COL24A1: variants seen among roughly 807,000 people sequenced by gnomAD.
COL24A1 encodes the protein collagen type XXIV alpha 1 chain.
Under a neutral mutation model 253.9 loss-of-function variants are expected in COL24A1, and 224 were observed. The ratio of observed to expected loss-of-function variants is 0.88; its 90% CI spans 0.79 to 0.99. COL24A1 has a LOEUF of 0.99. Among genes scored for constraint, COL24A1 ranks in the 50% least tolerant of loss-of-function variants. COL24A1 has a pLI of 0.00. For missense variants in COL24A1, 2,131 were observed against 2,068.5 expected (o/e 1.03, Z -0.59); for synonymous variants, 685 against 673.7 (o/e 1.02, Z -0.26).
intron 32 of COL24A1, among the ~76,000 whole-genome samples, chr1:85,878,372 C>A (rs1320704583): frequency 6.6e-6 from 1 of 152,142 alleles, no homozygotes; most frequent in Non-Finnish European, 1.5e-5. Flanking sequence ...ACACTACTCC[C>A]AATCATGAGG....
chr1:85,908,548 A>G, intron 27 of COL24A1, 50 bp downstream of exon 27: 1 of 1,052,156 alleles, frequency 9.5e-7, no homozygotes, highest in Non-Finnish European at 1.4e-6. Context: ...TATGAGTTTA[A>G]ATTAAAGTAA....
At chr1:85,933,546 T>G (rs192337461) in intron 24 of COL24A1, among the ~76,000 whole-genome samples, 1 of 152,320 alleles carries the variant, frequency 6.6e-6, no homozygotes, top group East Asian at 1.9e-4. Context: ...AAGGCATGTA[T>G]TGTGCAAAGG....
chr1:86,057,099 G>A (rs182652899), intron 10 of COL24A1, among the ~76,000 whole-genome samples: 1 of 152,086 alleles, frequency 6.6e-6, no homozygotes, highest in Non-Finnish European at 1.5e-5. Context: ...GACTGGATTG[G>A]GGGGCGGATC....
chr1:86,138,848 C>CTTTT (rs140109854), intron 2 of COL24A1, among the ~76,000 whole-genome samples: 10,118 of 148,664 alleles, frequency 0.068, 423 homozygotes, highest in East Asian at 0.14. Flanking sequence ...AGCTTATCTG[C>CTTTT]TTTTTTTTTT....
intron 47 of COL24A1, among the ~76,000 whole-genome samples, chr1:85,795,332 A>G (rs1245928578): frequency 1.3e-5 from 2 of 152,154 alleles, no homozygotes; most frequent in African/African-American, 4.8e-5. Flanking sequence ...ATAATAGTGA[A>G]ACATACCAAA....
chr1:86,150,285 C>A (rs1652574719), intron 1 of COL24A1, among the ~76,000 whole-genome samples: 1 of 152,156 alleles, frequency 6.6e-6, no homozygotes, highest in South Asian at 2.1e-4. Context: ...ATAAGTCCTA[C>A]CTTTTATGAA....
rs756763515 is a variant in COL24A1, at chr1:85,783,500, T to C, written c.4280A>G (p.His1427Arg). The C allele has an allele frequency of 1.1e-5, 18 of 1,613,142 alleles. No homozygotes were observed. The highest frequency in any genetic ancestry group is 1.4e-5 in the Non-Finnish European group (16 of 1,179,294). The change falls in exon 51 of 60, where the codon CAC (histidine) becomes CGC (arginine). Residue 1427 changes from histidine (H) to arginine (R), a missense_variant. Physicochemically the swap from His to Arg is conservative, Grantham distance 29. Transcript: ENST00000370571. ...GCAGAATGACTTTACACTTACTCTG[T>C]GTCCAATAGGACCTTTAGGACCTGA... Reference protein sequence around the residue: ...GISGPKGPIGHRGNTGPLGRE... With the variant: ...GISGPKGPIGRRGNTGPLGRE...
At chr1:85,838,713 GTGT>G (rs1232032733) in intron 42 of COL24A1, 75 bp from the exon 43 acceptor site, 13 of 1,348,856 alleles carry the variant, frequency 9.6e-6, no homozygotes, top group Non-Finnish European at 1.3e-5. Context: ...GATAAGATTA[GTGT>G]TGTTTATTCT....
At chr1:86,018,787 A>G (rs563553984) in intron 18 of COL24A1, among the ~76,000 whole-genome samples, 3 of 152,322 alleles carry the variant, frequency 2.0e-5, no homozygotes, top group Admixed American at 2.0e-4. Flanking sequence ...TAAAAAATGG[A>G]TAGGGCATAA....
Position 85,730,176 on chromosome 1 carries a change from T to C in COL24A1, c.*370A>G, listed in dbSNP as rs542633479. 1 of 160,132 alleles carries C rather than the reference T, an allele frequency of 6.2e-6. No individual in the cohort carries two copies. Among genetic ancestry groups the C allele is most frequent in the African/African-American group, 2.4e-5 (1 of 41,676 alleles). 9.9% of individuals were successfully genotyped at this position (160,132 alleles called of 1,614,324 possible). A position where few individuals can be genotyped will look rare whatever the true frequency, so the allele number is the denominator to read the frequency against. On this transcript the variant is annotated 3_prime_UTR_variant, in exon 60 of 60. Coordinates refer to ENST00000370571, the MANE Select transcript of COL24A1 (RefSeq NM_152890.7). Reference sequence around the variant, plus strand: ...AATTTTTAGACAGAAGCAGTGCACATCTGGAAGCATTAGCCAGTATTGCTC... The same window carrying C: ...AATTTTTAGACAGAAGCAGTGCACACCTGGAAGCATTAGCCAGTATTGCTC...
chr1:86,021,972 T>C (rs540159), intron 18 of COL24A1, among the ~76,000 whole-genome samples: 34,314 of 152,134 alleles, frequency 0.23, 4,548 homozygotes, highest in African/African-American at 0.36. Context: ...TTAATTTAAA[T>C]ATTGTCTATA....
intron 5 of COL24A1, among the ~76,000 whole-genome samples, chr1:86,097,520 C>T (rs188036651): frequency 7.6e-4 from 3 of 3,950 alleles, no homozygotes; most frequent in Admixed American, 3.6e-3. Flanking sequence ...CTCCCTCCTC[C>T]TCCCTCCTCC....
intron 22 of COL24A1, among the ~76,000 whole-genome samples, chr1:85,967,674 G>A (rs1691699454): frequency 6.6e-6 from 1 of 152,142 alleles, no homozygotes; most frequent in Non-Finnish European, 1.5e-5. Flanking sequence ...TATGGTTTCA[G>A]GATGAAACTG....
At chr1:85,772,392 A>C (rs1319800175) in intron 53 of COL24A1, among the ~76,000 whole-genome samples, 6 of 152,000 alleles carry the variant, frequency 3.9e-5, no homozygotes, top group Admixed American at 3.9e-4. Flanking sequence ...TGTGGAAGTC[A>C]GTGTGGCGAT....
At chr1:86,088,555 A>C (rs1201487083) in intron 7 of COL24A1, among the ~76,000 whole-genome samples, 1 of 152,150 alleles carries the variant, frequency 6.6e-6, no homozygotes, top group African/African-American at 2.4e-5. Flanking sequence ...AAATATTGCA[A>C]CTGTGTCAGT....
chr1:85,797,199 C>A, intron 47 of COL24A1, among the ~76,000 whole-genome samples: 1 of 128,880 alleles, frequency 7.8e-6, no homozygotes, highest in Non-Finnish European at 1.6e-5. Flanking sequence ...CAGAGCGAGA[C>A]TCCGTCTCAA....
At chr1:86,078,397 G>A (rs1292844565) in intron 7 of COL24A1, among the ~76,000 whole-genome samples, 3 of 152,052 alleles carry the variant, frequency 2.0e-5, no homozygotes, top group African/African-American at 7.2e-5. Flanking sequence ...TCTGGAACAC[G>A]ACAAGGATGC....
At chr1:85,946,898 C>A (rs1363380888) in intron 24 of COL24A1, among the ~76,000 whole-genome samples, 1 of 152,116 alleles carries the variant, frequency 6.6e-6, no homozygotes, top group African/African-American at 2.4e-5. Flanking sequence ...TATATATACA[C>A]CGACTAGCCA....
intron 59 of COL24A1, among the ~76,000 whole-genome samples, chr1:85,732,759 G>A (rs926268360): frequency 2.6e-5 from 4 of 151,938 alleles, no homozygotes; most frequent in Non-Finnish European, 4.4e-5. Flanking sequence ...CTATAAAATA[G>A]GACCAATAAT....
Sources: gnomAD v4.1 joint callset for allele counts (sites outside exome capture counted in the v4.1 genomes callset) on GRCh38, gnomAD v4.1.1 for gene constraint, MANE v1.5 for transcripts, NCBI Gene and HGNC (gene_info 2026-07-23, HGNC 2026-07-21) for gene names.